ZC3H12B: variants seen among roughly 807,000 people sequenced by gnomAD.
ZC3H12B encodes the protein probable ribonuclease ZC3H12B.
ZC3H12B carries 7 observed loss-of-function variants against 43.9 expected under a neutral mutation model. The observed-to-expected ratio is 0.16, with a 90% CI of 0.09 to 0.30. ZC3H12B has a LOEUF of 0.30. ZC3H12B is among the 10% of genes least tolerant of loss of function. ZC3H12B has a pLI of 1.00. For missense variants in ZC3H12B, 475 were observed against 670.2 expected (o/e 0.71, Z 3.22); for synonymous variants, 222 against 241.7 (o/e 0.92, Z 0.76).
At chrX:65,312,315 G>T in the ZC3H12B span, among the ~76,000 whole-genome samples, 2 of 111,231 alleles carry the variant, frequency 1.8e-5, no homozygotes, top group Non-Finnish European at 3.8e-5. Context: ...CAATACCTCT[G>T]GGAGAAACCC....
At chrX:65,316,323 G>T in the ZC3H12B span, among the ~76,000 whole-genome samples, 3 of 111,590 alleles carry the variant, frequency 2.7e-5, no homozygotes, top group Non-Finnish European at 5.7e-5. Flanking sequence ...GAAAGGAAGA[G>T]AACCTCTGTG....
chrX:65,410,107 G>GA (rs35885886), intron 3 of ZC3H12B, among the ~76,000 whole-genome samples: 1,011 of 45,498 alleles, frequency 0.022, 36 homozygotes, highest in Admixed American at 0.12. Flanking sequence ...TATTAAATCA[G>GA]AAAAAAAAAA....
At chrX:65,334,057 G>A in the ZC3H12B span, among the ~76,000 whole-genome samples, 6 of 111,828 alleles carry the variant, frequency 5.4e-5, no homozygotes, top group South Asian at 1.5e-3. Context: ...CTTCACCATT[G>A]CATTAGTGTA....
exon 5 of ZC3H12B, chrX:65,506,960 T>C (rs2068432141): frequency 9.0e-6 from 1 of 111,726 alleles, no homozygotes; most frequent in Admixed American, 9.6e-5. Context: ...TCCCTCTCTC[T>C]CTCTCTCTCT....
At chrX:65,344,974 G>A in the ZC3H12B span, among the ~76,000 whole-genome samples, 1 of 112,236 alleles carries the variant, frequency 8.9e-6, no homozygotes, top group East Asian at 2.8e-4. Flanking sequence ...CTCATCATTA[G>A]AGAATGCAAA....
At chrX:65,099,310 C>T in the ZC3H12B span, among the ~76,000 whole-genome samples, 4 of 111,869 alleles carry the variant, frequency 3.6e-5, no homozygotes, top group Non-Finnish European at 7.5e-5. Context: ...ATGTTCCTGC[C>T]TGCCAGCTCT....
chrX:65,160,784 A>G, the ZC3H12B span, among the ~76,000 whole-genome samples: 1 of 110,586 alleles, frequency 9.0e-6, no homozygotes, highest in Non-Finnish European at 1.9e-5. Context: ...GATTTTAGTT[A>G]TTTCTTGCCT....
the ZC3H12B span, among the ~76,000 whole-genome samples, chrX:65,278,045 A>G: frequency 6.2e-5 from 7 of 112,063 alleles, no homozygotes; most frequent in African/African-American, 2.3e-4. Context: ...TCAAAAATAA[A>G]TAATATCCAT....
At chrX:65,484,496 G>C (rs1024022745), upstream of ZC3H12B, among the ~76,000 whole-genome samples, 7 of 111,890 alleles carry the variant, frequency 6.3e-5, no homozygotes, top group Non-Finnish European at 1.3e-4. Flanking sequence ...CCACACAGCA[G>C]ATAATTTTTG....
chrX:65,251,225 T>G, the ZC3H12B span, among the ~76,000 whole-genome samples: 2 of 111,838 alleles, frequency 1.8e-5, no homozygotes, highest in African/African-American at 6.5e-5. Context: ...TTTTGTCAGG[T>G]TTGTCAAAGA....
the ZC3H12B span, among the ~76,000 whole-genome samples, chrX:65,129,722 C>T: frequency 1.8e-5 from 2 of 110,713 alleles, no homozygotes; most frequent in Non-Finnish European, 3.8e-5. Flanking sequence ...AGAAAAATAA[C>T]ATAAAATAGT....
At chrX:65,496,314 C>A (rs981295021) in intron 1 of ZC3H12B, among the ~76,000 whole-genome samples, 4 of 111,893 alleles carry the variant, frequency 3.6e-5, no homozygotes, top group Non-Finnish European at 5.6e-5. Context: ...ATGTGCATAT[C>A]TTTTTTGCTG....
the ZC3H12B span, among the ~76,000 whole-genome samples, chrX:65,225,904 G>A: frequency 3.7e-4 from 42 of 112,240 alleles, no homozygotes; most frequent in African/African-American, 1.3e-3. Flanking sequence ...TCTGATTGGT[G>A]TAACTGAAAG....
the ZC3H12B span, among the ~76,000 whole-genome samples, chrX:65,236,729 T>A: frequency 8.9e-6 from 1 of 112,310 alleles, no homozygotes; most frequent in Non-Finnish European, 1.9e-5. Context: ...TTGTATAAGA[T>A]GTTAGGAAGG....
chrX:65,401,363 G>A (rs772687255), intron 3 of ZC3H12B, among the ~76,000 whole-genome samples: 16 of 111,544 alleles, frequency 1.4e-4, no homozygotes, highest in East Asian at 5.7e-4. Flanking sequence ...GATGCATGTC[G>A]AGCTAATGGA....
At chrX:65,483,845 A>C (rs2068092931), upstream of ZC3H12B, among the ~76,000 whole-genome samples, 1 of 112,182 alleles carries the variant, frequency 8.9e-6, no homozygotes, top group South Asian at 3.7e-4. Flanking sequence ...AAGTGAGAAC[A>C]TGCAGTATTT....
chrX:65,503,994 G>A (rs778697297), exon 5 of ZC3H12B: 1 of 111,984 alleles, frequency 8.9e-6, no homozygotes, highest in Non-Finnish European at 1.9e-5. Flanking sequence ...AAAAGCATCA[G>A]GATCAGATCA....
the ZC3H12B span, among the ~76,000 whole-genome samples, chrX:65,111,212 T>C: frequency 1.8e-5 from 2 of 111,497 alleles, no homozygotes; most frequent in African/African-American, 3.2e-5. Context: ...ATTTGTATAC[T>C]GTTATATCCT....
At chrX:65,361,208 T>G in the ZC3H12B span, among the ~76,000 whole-genome samples, 1 of 112,470 alleles carries the variant, frequency 8.9e-6, no homozygotes, top group African/African-American at 3.2e-5. Flanking sequence ...TGATACATTT[T>G]GACATTCTTG....
Sources: allele counts gnomAD v4.1 joint callset (sites outside exome capture counted in the v4.1 genomes callset), GRCh38; gene constraint gnomAD v4.1.1; transcripts MANE v1.5; gene names NCBI Gene and HGNC (gene_info 2026-07-23, HGNC 2026-07-21).